The following PRRX1 variants were observed in gnomAD, a reference collection of about 807,000 sequenced individuals.
PRRX1 encodes the protein paired related homeobox 1, also known as paired mesoderm homeobox protein 1.
PRRX1 carries 8 observed loss-of-function variants against 24.0 expected under a neutral mutation model. The ratio of observed to expected loss-of-function variants is 0.33; its 90% CI spans 0.20 to 0.60. The LOEUF is 0.60. PRRX1 is among the 20% of genes least tolerant of loss of function. The pLI is 0.82. For synonymous variants in PRRX1, 160 were observed against 131.7 expected, an observed-to-expected ratio of 1.22 and a Z score of -1.47; for missense variants, 281 against 322.4, an observed-to-expected ratio of 0.87 and a Z score of 0.98.
intron 1 of PRRX1, among the ~76,000 whole-genome samples, chr1:170,683,165 T>C (rs542028081): frequency 6.6e-6 from 1 of 152,204 alleles, no homozygotes; most frequent in Admixed American, 6.5e-5. Flanking sequence ...GTGATTTATG[T>C]CTTTAAAAGA....
chr1:170,669,421 A>C (rs1653062963), intron 1 of PRRX1: 1 of 123,086 alleles, frequency 8.1e-6, no homozygotes, highest in Admixed American at 8.5e-5. Context: ...CAGGCTCCCC[A>C]CTGCAAAAAA....
intron 1 of PRRX1, among the ~76,000 whole-genome samples, chr1:170,703,662 AT>A (rs1654468901): frequency 6.6e-6 from 1 of 150,970 alleles, no homozygotes; most frequent in Non-Finnish European, 1.5e-5. Flanking sequence ...GACACTTTCC[AT>A]TGGTATTTTA....
intron 1 of PRRX1, among the ~76,000 whole-genome samples, chr1:170,674,240 G>GCA (rs369117667): frequency 0.087 from 13,179 of 150,886 alleles, 742 homozygotes; most frequent in Middle Eastern, 0.13. Flanking sequence ...GCGCACGCAC[G>GCA]CACACACACA....
At chr1:170,689,826 CTCTCTCTCTCTCCCT>C (rs1653870832) in intron 1 of PRRX1, among the ~76,000 whole-genome samples, 2 of 79,710 alleles carry the variant, frequency 2.5e-5, no homozygotes, top group Non-Finnish European at 5.0e-5. Context: ...CTCTCTCTCT[CTCTCTCTCTCTCCCT>C]CTCTCTCTCT....
chr1:170,709,050 C>T (rs578072246), intron 1 of PRRX1, among the ~76,000 whole-genome samples: 6 of 152,158 alleles, frequency 3.9e-5, no homozygotes, highest in African/African-American at 1.4e-4. Context: ...TGTCAGGTGC[C>T]GGGATAGCAC....
chr1:170,705,529 C>T (rs1241416540), intron 1 of PRRX1, among the ~76,000 whole-genome samples: 6 of 152,202 alleles, frequency 3.9e-5, no homozygotes, highest in Admixed American at 6.5e-5. Context: ...GTGATTTACC[C>T]GCCCTGGCAT....
chr1:170,686,789 T>C (rs1653757551), intron 1 of PRRX1, among the ~76,000 whole-genome samples: 1 of 149,332 alleles, frequency 6.7e-6, no homozygotes, highest in Admixed American at 6.6e-5. Flanking sequence ...TATTTCCTTA[T>C]CAGAGAATCT....
intron 1 of PRRX1, among the ~76,000 whole-genome samples, chr1:170,710,306 A>C (rs1011130991): frequency 6.6e-6 from 1 of 152,218 alleles, no homozygotes; most frequent in African/African-American, 2.4e-5. Flanking sequence ...TGTAAAAACT[A>C]TCCTATAACT....
intron 2 of PRRX1, 95 bp downstream of exon 2, chr1:170,719,996 A>C: frequency 6.7e-7 from 1 of 1,487,908 alleles, no homozygotes; most frequent in Admixed American, 1.7e-5. Flanking sequence ...AGCCCAGCAC[A>C]GTGGCTCATG....
intron 2 of PRRX1, among the ~76,000 whole-genome samples, chr1:170,725,637 G>C (rs1655233156): frequency 6.6e-6 from 1 of 152,132 alleles, no homozygotes; most frequent in African/African-American, 2.4e-5. Flanking sequence ...AGAGATAGCT[G>C]GTTTAGTAGT....
intron 1 of PRRX1, among the ~76,000 whole-genome samples, chr1:170,708,206 A>T (rs1416027010): frequency 6.6e-6 from 1 of 152,200 alleles, no homozygotes; most frequent in Non-Finnish European, 1.5e-5. Flanking sequence ...TTTCCACTCC[A>T]GGCAGACAGA....
intron 1 of PRRX1, among the ~76,000 whole-genome samples, chr1:170,714,829 C>A (rs904201027): frequency 7.2e-5 from 11 of 152,124 alleles, no homozygotes; most frequent in African/African-American, 2.2e-4. Context: ...CATACTAGAG[C>A]CGAGGTCAGG....
At chr1:170,717,523 G>T (rs1310065840) in intron 1 of PRRX1, among the ~76,000 whole-genome samples, 1 of 152,184 alleles carries the variant, frequency 6.6e-6, no homozygotes, top group Non-Finnish European at 1.5e-5. Context: ...TGGCTTAATA[G>T]GGGATTTTCT....
At chr1:170,669,748 G>A (rs955408656) in intron 1 of PRRX1, among the ~76,000 whole-genome samples, 1 of 152,046 alleles carries the variant, frequency 6.6e-6, no homozygotes, top group South Asian at 2.1e-4. Flanking sequence ...AGGTCTGTAC[G>A]TGCCTGTGCC....
intron 1 of PRRX1, among the ~76,000 whole-genome samples, chr1:170,699,504 C>A (rs927666607): frequency 7.9e-5 from 12 of 151,942 alleles, no homozygotes; most frequent in African/African-American, 2.9e-4. Flanking sequence ...TCACAGAAAA[C>A]TGTATTATGG....
chr1:170,664,634 G>T (rs1170441700), intron 1 of PRRX1, among the ~76,000 whole-genome samples, 175 bp downstream of exon 1: 3 of 152,224 alleles, frequency 2.0e-5, no homozygotes, highest in Admixed American at 6.5e-5. Context: ...AGAAAAGCGG[G>T]TCTCGGCCGA....
At chr1:170,669,122 C>G (rs2101883309) in intron 1 of PRRX1, 1 of 152,188 alleles carries the variant, frequency 6.6e-6, no homozygotes, top group South Asian at 2.1e-4. Context: ...GGAGACAGGC[C>G]TGTGAAGTCC....
chr1:170,702,574 A>G (rs1654419918), intron 1 of PRRX1, among the ~76,000 whole-genome samples: 1 of 152,204 alleles, frequency 6.6e-6, no homozygotes, highest in Non-Finnish European at 1.5e-5. Context: ...GAACTATTCA[A>G]CTTAATTTCT....
intron 1 of PRRX1, among the ~76,000 whole-genome samples, chr1:170,676,920 C>T (rs1274301402): frequency 6.6e-6 from 1 of 152,156 alleles, no homozygotes; most frequent in African/African-American, 2.4e-5. Flanking sequence ...ACTGCTGCAC[C>T]TATCTTCTTC....
Sources: allele counts gnomAD v4.1 joint callset (sites outside exome capture counted in the v4.1 genomes callset), GRCh38; gene constraint gnomAD v4.1.1; transcripts MANE v1.5; gene names NCBI Gene and HGNC (gene_info 2026-07-23, HGNC 2026-07-21).